The following ANO4 variants were observed in gnomAD, a reference collection of about 807,000 sequenced individuals.
The protein encoded by ANO4 is anoctamin 4, also known as anoctamin-4.
ANO4 carries 69 observed loss-of-function variants against 141.9 expected under a neutral mutation model. That is an observed-to-expected ratio of 0.49 (90% CI 0.40 to 0.59). The LOEUF is 0.59. ANO4 is among the 20% of genes least tolerant of loss of function. The pLI is 0.00. For missense variants in ANO4, 894 were observed against 1,162.2 expected, an observed-to-expected ratio of 0.77 and a Z score of 3.36; for synonymous variants, 350 against 394.3, an observed-to-expected ratio of 0.89 and a Z score of 1.33.
chr12:100,825,386 T>C (rs1322381703), intron 1 of ANO4, among the ~76,000 whole-genome samples: 1 of 152,042 alleles, frequency 6.6e-6, no homozygotes, highest in Non-Finnish European at 1.5e-5. Context: ...GAAATATAAA[T>C]TATTTCATTT....
intron 8 of ANO4, among the ~76,000 whole-genome samples, chr12:101,001,258 A>G (rs928375849): frequency 3.9e-5 from 6 of 152,194 alleles, no homozygotes; most frequent in Non-Finnish European, 7.3e-5. Context: ...ATCTGTTGCT[A>G]TAGTATACGT....
At chr12:101,053,153 G>A (rs1444971345) in intron 14 of ANO4, among the ~76,000 whole-genome samples, 1 of 152,162 alleles carries the variant, frequency 6.6e-6, no homozygotes, top group Admixed American at 6.5e-5. Context: ...ATTTACAATA[G>A]GCCAATGAGG....
At chr12:101,127,110 C>A (rs761188304) in intron 27 of ANO4, 36 bp downstream of exon 27, 1 of 1,575,686 alleles carries the variant, frequency 6.3e-7, no homozygotes, top group East Asian at 2.3e-5. Context: ...TGAGGCCATT[C>A]CGAGGTTGAA....
chr12:100,941,840 G>T (rs943166280), intron 4 of ANO4, among the ~76,000 whole-genome samples: 1 of 151,730 alleles, frequency 6.6e-6, no homozygotes, highest in African/African-American at 2.4e-5. Flanking sequence ...GCTACACACG[G>T]TATTTTTAGA....
At chr12:101,051,967 C>G in intron 14 of ANO4, among the ~76,000 whole-genome samples, 1 of 152,132 alleles carries the variant, frequency 6.6e-6, no homozygotes, top group African/African-American at 2.4e-5. Flanking sequence ...CTCTTATGAT[C>G]GACAAGTTAC....
At chr12:100,916,269 A>G (rs2041336906) in intron 2 of ANO4, among the ~76,000 whole-genome samples, 1 of 152,200 alleles carries the variant, frequency 6.6e-6, no homozygotes, top group African/African-American at 2.4e-5. Flanking sequence ...ATTTGATAAA[A>G]TTTAACAAGA....
intron 3 of ANO4, among the ~76,000 whole-genome samples, chr12:100,785,404 C>T (rs1415670148): frequency 1.3e-5 from 2 of 152,172 alleles, no homozygotes; most frequent in Non-Finnish European, 2.9e-5. Flanking sequence ...CTGTTCATCC[C>T]TCCTTCCTCC....
At chr12:100,813,396 G>C (rs969097741) in intron 1 of ANO4, among the ~76,000 whole-genome samples, 3 of 152,150 alleles carry the variant, frequency 2.0e-5, no homozygotes, top group Non-Finnish European at 4.4e-5. Flanking sequence ...TGAATTCCCA[G>C]AGTCTGGATT....
Position 100,966,818 on chromosome 12 carries a change from T to C in ANO4, c.457-4488T>C, listed in dbSNP as rs374796521. 1.6e-4 allele frequency among the ~76,000 whole-genome samples: 22 copies of C among 138,082 alleles called. No individual in the cohort carries two copies. The East Asian group carries it at 1.9e-3, about 12-fold the overall frequency. 90.6% of individuals were successfully genotyped at this position (138,082 alleles called of 152,430 possible). Reference sequence around the variant, plus strand: ...ATGTATATATATACACACACACACATATATATATACACATATATATACACA... The same window carrying C: ...ATGTATATATATACACACACACACACATATATATACACATATATATACACA... On this transcript the variant is annotated intron_variant, in intron 5 of 27. Coordinates refer to ENST00000392977, the MANE Select transcript of ANO4 (RefSeq NM_001286615.2).
At chr12:100,990,349 C>G (rs1240553227) in intron 8 of ANO4, among the ~76,000 whole-genome samples, 1 of 152,096 alleles carries the variant, frequency 6.6e-6, no homozygotes, top group Non-Finnish European at 1.5e-5. Context: ...AACAATACTT[C>G]TCAGCGTGAT....
At chr12:101,117,247 A>G (rs1481774417) in intron 25 of ANO4, among the ~76,000 whole-genome samples, 3 of 152,128 alleles carry the variant, frequency 2.0e-5, no homozygotes, top group Non-Finnish European at 2.9e-5. Flanking sequence ...GGCCCAGTTC[A>G]TTTCAGGTTC....
chr12:100,947,831 G>T (rs1290690016), intron 5 of ANO4, among the ~76,000 whole-genome samples: 2 of 152,098 alleles, frequency 1.3e-5, no homozygotes, highest in South Asian at 2.1e-4. Flanking sequence ...AAGCATACTT[G>T]CTCTTTGCCC....
chr12:101,070,485 C>A (rs1280305244), intron 14 of ANO4, among the ~76,000 whole-genome samples: 1 of 152,068 alleles, frequency 6.6e-6, no homozygotes, highest in South Asian at 2.1e-4. Context: ...AAACTAGACC[C>A]TTATCTTTCC....
At chr12:101,067,160 CT>C (rs2048629771) in intron 14 of ANO4, 1 of 288,592 alleles carries the variant, frequency 3.5e-6, no homozygotes, top group African/African-American at 2.2e-5. Context: ...TTTCATCTAC[CT>C]ACTAGAGTAT....
intron 1 of ANO4, among the ~76,000 whole-genome samples, chr12:100,800,711 C>T (rs999692198): frequency 7.9e-5 from 12 of 152,204 alleles, no homozygotes; most frequent in Admixed American, 7.2e-4. Flanking sequence ...AAACTGACAG[C>T]CTGGATAGCA....
rs1052852685 is a variant in ANO4 at position 100,924,770 on chromosome 12, G to T, written c.160+2440G>T. On this transcript the variant is annotated intron_variant, in intron 3 of 27. Transcript: ENST00000392977. ...TTTTTTTCAATAAATGATAAAAGTT[G>T]GCTTCCATGCAAGTGCTAGAGGTGA... is the stretch of plus-strand genomic sequence containing the variant. 2.6e-5 allele frequency among the ~76,000 whole-genome samples: 4 copies of T among 152,104 alleles called. No individual in the cohort carries two copies. The East Asian group carries it at 5.8e-4, about 22-fold the overall frequency.
rs1478811116 is a variant in ANO4, at chr12:100,848,734, A to G, written c.-140-52912A>G. 2.0e-5 allele frequency among the ~76,000 whole-genome samples: 3 copies of G among 152,144 alleles called. No individual in the cohort carries two copies. In the East Asian group the frequency reaches 5.8e-4, roughly 29 times the overall value. On this transcript the variant is annotated intron_variant, in intron 1 of 27. Transcript: ENST00000392977. ...ACTACCTGTAGGTTACTGATTGCTC[A>G]ATGGATTTTCTTAACTTTTGGACAT...
chr12:101,042,424 T>C lies in ANO4; in HGVS notation c.1110T>C (p.Phe370=). 1.9e-6 allele frequency: 3 copies of C among 1,614,154 alleles called. No individual in the cohort carries two copies. The highest frequency in any genetic ancestry group is 2.2e-5 in the South Asian group (2 of 91,080). The change falls in exon 12 of 28, where the codon TTT becomes TTC. Residue 370 remains phenylalanine (F), a synonymous_variant. Transcript: ENST00000392977. ...TCCCAGCTGCCTTCATTGGATTGTT[T>C]GTCTTTTTGTATGGCGTCACCACTC... The part of the protein sequence containing the change: ...MLFPAAFIGL[F]VFLYGVTTLD...
chr12:101,093,173 T>A (rs1242453085), intron 17 of ANO4, among the ~76,000 whole-genome samples: 1 of 152,154 alleles, frequency 6.6e-6, no homozygotes, highest in Non-Finnish European at 1.5e-5. Flanking sequence ...TATTAATATA[T>A]CCTAATATAG....
Sources: gnomAD v4.1 joint callset for allele counts (sites outside exome capture counted in the v4.1 genomes callset) on GRCh38, gnomAD v4.1.1 for gene constraint, MANE v1.5 for transcripts, NCBI Gene and HGNC (gene_info 2026-07-23, HGNC 2026-07-21) for gene names.